SMARCA2: variants seen among roughly 807,000 people sequenced by gnomAD.
SMARCA2 encodes SWI/SNF related BAF chromatin remodeling complex subunit ATPase 2, also known as SWI/SNF-related matrix-associated actin-dependent regulator of chromatin subfamily A member 2.
A neutral mutation model predicts 199.8 loss-of-function variants in SMARCA2; 61 were observed. The ratio of observed to expected loss-of-function variants is 0.31; its 90% CI spans 0.25 to 0.38. The LOEUF (loss-of-function observed/expected upper bound fraction) is 0.38. SMARCA2 is among the 10% of genes least tolerant of loss of function. The pLI, the probability that SMARCA2 is intolerant of heterozygous loss-of-function variation, is 1.00. For synonymous variants in SMARCA2, 935 were observed against 732.0 expected (o/e 1.28, Z -4.48); for missense variants, 1,344 against 2,012.2 (o/e 0.67, Z 6.35).
chr9:2,140,877 C>A (rs1191733112), intron 27 of SMARCA2, among the ~76,000 whole-genome samples: 3 of 152,044 alleles, frequency 2.0e-5, no homozygotes, highest in Non-Finnish European at 4.4e-5. Context: ...GTTGAGGACA[C>A]CTTGCTGTAC....
At chr9:2,143,542 G>C (rs530716391) in intron 27 of SMARCA2, among the ~76,000 whole-genome samples, 4 of 152,330 alleles carry the variant, frequency 2.6e-5, no homozygotes, top group African/African-American at 9.6e-5. Flanking sequence ...GTGACCCTGT[G>C]GGAGAGGAGA....
chr9:2,022,877 A>C (rs1244008072), intron 1 of SMARCA2, among the ~76,000 whole-genome samples: 3 of 152,104 alleles, frequency 2.0e-5, no homozygotes, highest in Non-Finnish European at 2.9e-5. Context: ...TTTTGTTTTG[A>C]CCAGTTTGCC....
chr9:2,107,832 G>A (rs1307226699), intron 23 of SMARCA2, among the ~76,000 whole-genome samples: 2 of 152,022 alleles, frequency 1.3e-5, no homozygotes, highest in African/African-American at 2.4e-5. Flanking sequence ...TTCTGCCCAC[G>A]TGCAGTAAAT....
At chr9:2,148,874 T>G (rs1227979540) in intron 27 of SMARCA2, among the ~76,000 whole-genome samples, 2 of 151,526 alleles carry the variant, frequency 1.3e-5, no homozygotes, top group East Asian at 3.9e-4. Flanking sequence ...GCGCAAATCC[T>G]TGACTGTGCT....
intron 27 of SMARCA2, among the ~76,000 whole-genome samples, chr9:2,126,129 G>A (rs1440425707): frequency 1.3e-5 from 2 of 152,194 alleles, no homozygotes; most frequent in African/African-American, 4.8e-5. Flanking sequence ...TCTCTTTTTA[G>A]CGCATCTAGT....
chr9:2,038,816 C>G lies in SMARCA2; in HGVS notation c.356-650C>G, dbSNP rs73377068. On this transcript the variant is annotated intron_variant, in intron 3 of 33. Coordinates refer to ENST00000349721, the MANE Select transcript of SMARCA2 (RefSeq NM_003070.5). ...CCAACTGTGACAGTTGAGTGCAAGT[C>G]AACTCCTTGCATAGTACCTACAACA... 2.2e-3 allele frequency among the ~76,000 whole-genome samples: 333 copies of G among 152,300 alleles called. 2 individuals carry two copies. The highest frequency in any genetic ancestry group is 7.7e-3 in the African/African-American group (321 of 41,562).
rs148490208 is a variant in SMARCA2 at position 2,139,329 on chromosome 9, G to C, written c.3981+15392G>C. ...TTTTCAAGGATTGTCTGGTGGGCAG[G>C]GGGGTAGAGAATGGGGAATGCTGAT... On this transcript the variant is annotated intron_variant, in intron 27 of 33. Coordinates refer to ENST00000349721, the MANE Select transcript of SMARCA2 (RefSeq NM_003070.5). 4.3e-4 allele frequency among the ~76,000 whole-genome samples: 65 copies of C among 152,312 alleles called. No homozygotes were observed. The East Asian group carries it at 0.011, about 25-fold the overall frequency.
intron 3 of SMARCA2, among the ~76,000 whole-genome samples, chr9:2,037,122 G>A (rs1041179473): frequency 2.3e-4 from 35 of 152,144 alleles, no homozygotes; most frequent in African/African-American, 8.2e-4. Context: ...CCAGAAAGAC[G>A]TCATAATGAA....
At chr9:2,143,185 G>T (rs552599504) in intron 27 of SMARCA2, among the ~76,000 whole-genome samples, 13 of 152,288 alleles carry the variant, frequency 8.5e-5, no homozygotes, top group Admixed American at 7.8e-4. Context: ...CTTTGGGTAG[G>T]AAAGAGGGAT....
chr9:2,056,653 A>T lies in SMARCA2; in HGVS notation c.1174-19A>T. 6.2e-7 allele frequency: 1 copy of T among 1,605,152 alleles called. No homozygotes were observed. The highest frequency in any genetic ancestry group is 2.2e-5 in the East Asian group (1 of 44,784). ...AGCTTCTGTTAGGGAAGGCTGTCTAACTGCTCTCTTCTTGACAGCTGAGAC... is the reference window on the plus strand; with the variant it reads ...AGCTTCTGTTAGGGAAGGCTGTCTATCTGCTCTCTTCTTGACAGCTGAGAC... On this transcript the variant is annotated intron_variant, in intron 6 of 33. Transcript: ENST00000349721. The surrounding 1 kb of genome is among the most constrained non-coding windows in gnomAD (Gnocchi z 4.0).
rs1165958549 is a variant in SMARCA2, at chr9:2,135,496, C to G, written c.3981+11559C>G. Among the ~76,000 whole-genome samples, 3 of 152,126 alleles carry G rather than the reference C, an allele frequency of 2.0e-5. No individual in the cohort carries two copies. The East Asian group carries it at 5.8e-4, about 29-fold the overall frequency. On this transcript the variant is annotated intron_variant, in intron 27 of 33. Transcript: ENST00000349721. ...TGGTATTTTGTTATGGCAGCCTGAA[C>G]TAAGACATGCGTTGAGTTATATTAT... is the stretch of plus-strand genomic sequence containing the variant.
In SMARCA2 at chr9:2,060,896, T is replaced by C. The variant is rs751020630; in HGVS notation, c.1602T>C (p.Asp534=). Residue 534 remains aspartate (D), a synonymous_variant, in exon 9 of 34, where the codon GAT becomes GAC. Transcript: ENST00000349721. ...TAGCTTACCTTTTGCAGCAGACCGATGAGTATGTAGCCAATCTGACCAATC... is the reference window on the plus strand; with the variant it reads ...TAGCTTACCTTTTGCAGCAGACCGACGAGTATGTAGCCAATCTGACCAATC... The part of the protein sequence containing the change: ...RRLAYLLQQT[D]EYVANLTNLV... 7 of 1,613,948 alleles carry C rather than the reference T, an allele frequency of 4.3e-6. No homozygotes were observed. The highest frequency in any genetic ancestry group is 5.9e-6 in the Non-Finnish European group (7 of 1,179,944).
chr9:2,140,255 A>G (rs947517880), intron 27 of SMARCA2, among the ~76,000 whole-genome samples: 1 of 152,208 alleles, frequency 6.6e-6, no homozygotes, highest in Non-Finnish European at 1.5e-5. Context: ...GAAATATATC[A>G]AGTTTTCTCC....
chr9:2,174,105 C>T (rs1365452197), intron 29 of SMARCA2, among the ~76,000 whole-genome samples: 1 of 152,118 alleles, frequency 6.6e-6, no homozygotes, highest in African/African-American at 2.4e-5. Context: ...GTCTGTTTCC[C>T]GAGACACAGA....
At position 2,076,329 on chromosome 9, in the gene SMARCA2, A is replaced by G; in HGVS notation, c.2036A>G (p.Glu679Gly). 6.6e-7 allele frequency: 1 copy of G among 1,526,140 alleles called. No homozygotes were observed. Among genetic ancestry groups the G allele is most frequent in the Non-Finnish European group, 9.1e-7 (1 of 1,100,054 alleles). The allele number at this position is 1,526,140 out of a possible 1,614,324, so 94.5% of individuals were successfully genotyped here. The change falls in exon 13 of 34, where the codon GAG becomes GGG. Residue 679 changes from glutamate (E) to glycine (G), a missense_variant and splice_region_variant. Glu to Gly is a moderately conservative substitution (Grantham distance 98). Around this residue, in one of 18 missense-constraint regions of SMARCA2, gnomAD observed 106 missense variants for 179.7 expected, o/e 0.59. Coordinates refer to ENST00000349721, the MANE Select transcript of SMARCA2 (RefSeq NM_003070.5). ...GAGAAGGATGCTAAGCAGATCATTG[A>G]GTATGTACTGCATTTTTCCCTTGGA... ...VSEKDAKQII[E>G]TAKQDVDDEY...
intron 26 of SMARCA2, among the ~76,000 whole-genome samples, chr9:2,120,099 T>A (rs1823391681): frequency 6.6e-6 from 1 of 152,216 alleles, no homozygotes; most frequent in Non-Finnish European, 1.5e-5. Flanking sequence ...CTTAAATGAA[T>A]GGGAACCTTC....
At chr9:2,174,879 C>A (rs112142312) in intron 29 of SMARCA2, among the ~76,000 whole-genome samples, 4 of 135,524 alleles carry the variant, frequency 3.0e-5, no homozygotes, top group South Asian at 2.4e-4. Flanking sequence ...GAGCCCTGAT[C>A]GTGCTACTGC....
chr9:2,084,061 C>G (rs760943922), intron 16 of SMARCA2, 25 bp from the exon 17 acceptor site: 38 of 1,218,214 alleles, frequency 3.1e-5, no homozygotes, highest in Admixed American at 5.1e-5. Context: ...TAGGATCATG[C>G]ATGTATTTTT....
At position 2,161,271 on chromosome 9, in the gene SMARCA2, A is replaced by C. The variant is rs1825659989; in HGVS notation, c.3982-415A>C. The stretch of plus-strand genomic sequence containing the variant: ...TGATCGTGTGGATGTATTCTTAGGG[A>C]TTGTTTTTTCATAACCCACCCCTCG... On this transcript the variant is annotated intron_variant, in intron 27 of 33. Coordinates refer to ENST00000349721, the MANE Select transcript of SMARCA2 (RefSeq NM_003070.5). The surrounding 1 kb of genome is among the most constrained non-coding windows in gnomAD (Gnocchi z 4.7). 6.6e-6 allele frequency among the ~76,000 whole-genome samples: 1 copy of C among 152,138 alleles called. No individual in the cohort carries two copies. The highest frequency in any genetic ancestry group is 2.4e-5 in the African/African-American group (1 of 41,432).
Sources: allele counts gnomAD v4.1 joint callset (sites outside exome capture counted in the v4.1 genomes callset), GRCh38; gene constraint gnomAD v4.1.1; regional missense constraint gnomAD v4.1.1; non-coding constraint Gnocchi (gnomAD v3.1); transcripts MANE v1.5; gene names NCBI Gene and HGNC (gene_info 2026-07-23, HGNC 2026-07-21).